Variants in MYLK observed in about 807,000 individuals in gnomAD.
MYLK encodes myosin light chain kinase, smooth muscle.
A neutral mutation model predicts 203.4 loss-of-function variants in MYLK; 106 were observed. That is an observed-to-expected ratio of 0.52 (90% confidence interval 0.45 to 0.61). The LOEUF (loss-of-function observed/expected upper bound fraction) is 0.61, where lower values mean the gene tolerates loss of function less well. Ranked by LOEUF, MYLK falls within the 20% of genes least tolerant of loss-of-function variation. MYLK has a pLI of 0.00. For synonymous variants in MYLK, 867 were observed against 959.5 expected, an observed-to-expected ratio of 0.90 and a Z score of 1.78; for missense variants, 2,072 against 2,442.3, an observed-to-expected ratio of 0.85 and a Z score of 3.20.
Position 123,664,278 on chromosome 3 carries a change from C to A in MYLK, c.3832-20G>T. ...CTGGATCTAGGGGCGGAGGATGGAG[C>A]AGGTGCTGGAGCCTTGGGCCCCTGG... On this transcript the variant is annotated intron_variant, in intron 22 of 33. Transcript: ENST00000360304. 6.2e-7 allele frequency: 1 copy of A among 1,614,144 alleles called. No homozygotes were observed. Among genetic ancestry groups the A allele is most frequent in the Non-Finnish European group, 8.5e-7 (1 of 1,180,018 alleles).
intron 3 of MYLK, among the ~76,000 whole-genome samples, chr3:123,811,629 G>T (rs1031227645): frequency 4.6e-5 from 7 of 152,122 alleles, no homozygotes; most frequent in Non-Finnish European, 8.8e-5. Context: ...CATTCAGCCT[G>T]GAGTGCCTAG....
intron 23 of MYLK, 145 bp downstream of exon 23, chr3:123,663,960 T>A: frequency 8.0e-7 from 1 of 1,246,508 alleles, no homozygotes. Context: ...GTTGCCGTGA[T>A]CTTCTTTCTG....
At chr3:123,692,198 T>C (rs967716550) in intron 19 of MYLK, 141 of 537,068 alleles carry the variant, frequency 2.6e-4, no homozygotes, top group Admixed American at 3.6e-4. Flanking sequence ...CCCACCTCCC[T>C]CTGCAGTATT....
intron 19 of MYLK, among the ~76,000 whole-genome samples, chr3:123,688,533 G>A (rs1421730549): frequency 6.6e-6 from 1 of 152,102 alleles, no homozygotes; most frequent in African/African-American, 2.4e-5. Flanking sequence ...TCCTGGGTCT[G>A]GTCATCACAT....
intron 26 of MYLK, 77 bp from the exon 27 acceptor site, chr3:123,647,504 C>G: frequency 7.9e-7 from 1 of 1,272,966 alleles, no homozygotes; most frequent in African/African-American, 1.5e-5. Flanking sequence ...CAAATTATGG[C>G]CCATGGGACA....
At chr3:123,832,170 G>A (rs1479698170) in intron 2 of MYLK, among the ~76,000 whole-genome samples, 2 of 152,172 alleles carry the variant, frequency 1.3e-5, no homozygotes, top group Non-Finnish European at 2.9e-5. Context: ...GCTTCTAGAG[G>A]AGTGTCTCTC....
intron 4 of MYLK, among the ~76,000 whole-genome samples, chr3:123,758,695 A>G (rs1553837717): frequency 6.6e-6 from 1 of 152,210 alleles, no homozygotes; most frequent in Non-Finnish European, 1.5e-5. Flanking sequence ...CCGCTTAATC[A>G]AAAAGATCTA....
chr3:123,624,484 G>A (rs1262683913), intron 31 of MYLK: 1 of 152,074 alleles, frequency 6.6e-6, no homozygotes, highest in East Asian at 1.9e-4. Context: ...ATGTTCCCAG[G>A]TGATAAGGCT....
intron 11 of MYLK, among the ~76,000 whole-genome samples, chr3:123,732,156 T>G (rs2062503939): frequency 6.6e-6 from 1 of 152,232 alleles, no homozygotes; most frequent in Non-Finnish European, 1.5e-5. Context: ...CATATGCATT[T>G]AGAGTAAGGG....
intron 3 of MYLK, among the ~76,000 whole-genome samples, chr3:123,823,037 G>C (rs1431089954): frequency 2.0e-5 from 3 of 152,180 alleles, no homozygotes; most frequent in Non-Finnish European, 4.4e-5. Flanking sequence ...CACCAAGAGA[G>C]CATCATTCCT....
chr3:123,635,171 G>T (rs912486791), intron 29 of MYLK, among the ~76,000 whole-genome samples: 7 of 152,204 alleles, frequency 4.6e-5, no homozygotes, highest in African/African-American at 1.7e-4. Context: ...GGTGGAAGTC[G>T]CCCTGACAGG....
At position 123,613,300 on chromosome 3, in the gene MYLK, TAAG is replaced by T. The variant is rs2057296656; in HGVS notation, c.*802_*804del. On this transcript the variant is annotated 3_prime_UTR_variant, in exon 34 of 34. Coordinates refer to ENST00000360304, the MANE Select transcript of MYLK (RefSeq NM_053025.4). ...AGCTGATATTCTATAACAGCACAAA[TAAG>T]AATCCTGGTTTACAAAGGAAACCAC... 6.6e-6 allele frequency: 1 copy of T among 151,866 alleles called. No homozygotes were observed. The highest frequency in any genetic ancestry group is 1.5e-5 in the Non-Finnish European group (1 of 67,978). 9.4% of individuals were successfully genotyped at this position (151,866 alleles called of 1,614,324 possible).
At chr3:123,739,152 G>A (rs2062779071) in intron 6 of MYLK, 90 bp from the exon 7 acceptor site, 1 of 1,430,754 alleles carries the variant, frequency 7.0e-7, no homozygotes, top group Non-Finnish European at 9.7e-7. Flanking sequence ...CTAAGTTAAG[G>A]TCAGAAGCCA....
intron 13 of MYLK, among the ~76,000 whole-genome samples, chr3:123,718,818 T>C (rs1055876215): frequency 4.6e-5 from 7 of 152,232 alleles, no homozygotes; most frequent in African/African-American, 9.6e-5. Flanking sequence ...GCTGGCATCC[T>C]CATCAGAACG....
chr3:123,679,477 G>A (rs541032076), intron 20 of MYLK, among the ~76,000 whole-genome samples: 25 of 152,136 alleles, frequency 1.6e-4, no homozygotes, highest in African/African-American at 5.1e-4. Context: ...CAGGTGGAGG[G>A]CAGCTAGAGC....
chr3:123,727,203 T>A (rs1485233688), intron 11 of MYLK, among the ~76,000 whole-genome samples: 6 of 152,080 alleles, frequency 3.9e-5, no homozygotes, highest in Admixed American at 3.3e-4. Context: ...TAGGGGAGGA[T>A]AGGCGATGGG....
In MYLK at chr3:123,734,012, C is replaced by A. The variant is rs115018449; in HGVS notation, c.984G>T (p.Ser328=). Reference sequence around the variant, plus strand: ...CCGGGGTCTGCGGGGCCGTTCTGGGCGAGTCCTTGCATGACTCCAGCTTGG... The same window carrying A: ...CCGGGGTCTGCGGGGCCGTTCTGGGAGAGTCCTTGCATGACTCCAGCTTGG... ...RESKLESCKD[S]PRTAPQTPVL... Residue 328 remains serine, a synonymous_variant, in exon 10 of 34, where the codon TCG becomes TCT. Transcript: ENST00000360304. 2 of 1,614,172 alleles carry A rather than the reference C, an allele frequency of 1.2e-6. No homozygotes were observed. Among genetic ancestry groups the A allele is most frequent in the Admixed American group, 1.7e-5 (1 of 60,034 alleles).
rs1479267897 is a variant in MYLK at position 123,649,025 on chromosome 3, A to C, written c.4361T>G (p.Ile1454Ser). 2 of 1,614,070 alleles carry C rather than the reference A, an allele frequency of 1.2e-6. No homozygotes were observed. The highest frequency in any genetic ancestry group is 3.3e-5 in the Admixed American group (2 of 60,022). Reference protein sequence around the residue: ...EPEVDYRTVTINTEQKVSDFY... With the variant: ...EPEVDYRTVTSNTEQKVSDFY... ...GTCAGATACTTTTTGTTCAGTATTGATTGTCACTGTCCGGTAATCAACCTC... is the reference window on the plus strand; with the variant it reads ...GTCAGATACTTTTTGTTCAGTATTGCTTGTCACTGTCCGGTAATCAACCTC... The change falls in exon 26 of 34, where the codon ATC (isoleucine) becomes AGC (serine). Residue 1454 changes from isoleucine to serine, a missense_variant. Transcript: ENST00000360304.
intron 5 of MYLK, among the ~76,000 whole-genome samples, chr3:123,745,128 C>T (rs1038468603): frequency 1.3e-4 from 20 of 151,214 alleles, no homozygotes; most frequent in African/African-American, 4.6e-4. Flanking sequence ...TTACTGGGCT[C>T]TTTTTTTTTG....
Sources: allele counts gnomAD v4.1 joint callset (sites outside exome capture counted in the v4.1 genomes callset), GRCh38; gene constraint gnomAD v4.1.1; transcripts MANE v1.5; gene names NCBI Gene and HGNC (gene_info 2026-07-23, HGNC 2026-07-21).